Variants in TMA16 observed in about 807,000 individuals in gnomAD.
TMA16 encodes translation machinery associated 16 homolog.
A neutral mutation model predicts 27.1 loss-of-function variants in TMA16; 26 were observed. The observed-to-expected ratio is 0.96, with a 90% CI of 0.70 to 1.33. The LOEUF (loss-of-function observed/expected upper bound fraction) is 1.33. TMA16 is among the 40% of genes most tolerant of loss of function. TMA16 has a pLI of 0.00. For synonymous variants in TMA16, 71 were observed against 81.9 expected, an observed-to-expected ratio of 0.87 and a Z score of 0.72; for missense variants, 233 against 241.4, an observed-to-expected ratio of 0.97 and a Z score of 0.23.
intron 2 of TMA16, 104 bp downstream of exon 2, chr4:163,507,249 A>G: frequency 9.7e-7 from 1 of 1,034,550 alleles, no homozygotes; most frequent in African/African-American, 1.6e-5. Context: ...CCTTTCATAA[A>G]TATTTATTAA....
rs773555925 is a variant in TMA16, at chr4:163,514,205, T to C, written c.239+47T>C. The C allele has an allele frequency of 2.9e-5, 43 of 1,461,432 alleles. No homozygotes were observed. The Admixed American group carries it at 4.8e-4, about 16-fold the overall frequency. The allele number at this position is 1,461,432 out of a possible 1,614,324, so 90.5% of individuals were successfully genotyped here. Reference sequence around the variant, plus strand: ...AGCAAAGGGTCAGAAAAGGGAATTGTCCAGCCTGGTTCTTTAAGACACAGA... The same window carrying C: ...AGCAAAGGGTCAGAAAAGGGAATTGCCCAGCCTGGTTCTTTAAGACACAGA... On this transcript the variant is annotated intron_variant, in intron 4 of 6. Coordinates refer to ENST00000358572, the MANE Select transcript of TMA16 (RefSeq NM_018352.3).
rs575525176 is a variant in TMA16, at chr4:163,514,101, A to G, written c.182A>G (p.His61Arg). 1 of 1,610,490 alleles carries G rather than the reference A, an allele frequency of 6.2e-7. No homozygotes were observed. Among genetic ancestry groups the G allele is most frequent in the Non-Finnish European group, 8.5e-7 (1 of 1,178,562 alleles). Residue 61 changes from histidine (H) to arginine (R), a missense_variant, in exon 4 of 7, where the codon CAT becomes CGT. By Grantham distance (29) the His-to-Arg change is conservative. Coordinates refer to ENST00000358572, the MANE Select transcript of TMA16 (RefSeq NM_018352.3). Reference sequence around the variant, plus strand: ...GAAAAACTGCAATGGTTTCAAAATCATCTTGATCCCCAAAAAAAGAGATAT... The same window carrying G: ...GAAAAACTGCAATGGTTTCAAAATCGTCTTGATCCCCAAAAAAAGAGATAT... ...VGEKLQWFQN[H>R]LDPQKKRYSK...
In TMA16 at chr4:163,499,155, G is replaced by A. The variant is rs118102549; in HGVS notation, c.3+4351G>A. 8.9e-3 allele frequency among the ~76,000 whole-genome samples: 1,351 copies of A among 152,080 alleles called. 22 individuals carry two copies. The highest frequency in any genetic ancestry group is 0.067 in the East Asian group (346 of 5,170). On this transcript the variant is annotated intron_variant, in intron 1 of 6. Transcript: ENST00000358572. Reference sequence around the variant, plus strand: ...TTTTTCCAGCTTTTAAATAACACTTGTTTTTAGTCTTCCTGTGATTTGTAT... The same window carrying A: ...TTTTTCCAGCTTTTAAATAACACTTATTTTTAGTCTTCCTGTGATTTGTAT...
At chr4:163,497,223 A>C (rs1737566622) in intron 1 of TMA16, among the ~76,000 whole-genome samples, 1 of 152,238 alleles carries the variant, frequency 6.6e-6, no homozygotes, top group South Asian at 2.1e-4. Context: ...AAATCAGCTT[A>C]ATACATCTCA....
intron 2 of TMA16, among the ~76,000 whole-genome samples, chr4:163,508,990 C>A (rs1737754276): frequency 6.6e-6 from 1 of 152,148 alleles, no homozygotes; most frequent in African/African-American, 2.4e-5. Context: ...CTTAATTTTT[C>A]TGCTTAGACA....
intron 1 of TMA16, among the ~76,000 whole-genome samples, chr4:163,502,966 A>G (rs1451354754): frequency 1.3e-5 from 2 of 152,202 alleles, no homozygotes; most frequent in Non-Finnish European, 2.9e-5. Flanking sequence ...TAAGATTATA[A>G]TACTGTATTT....
chr4:163,506,939 T>A, intron 1 of TMA16, 94 bp from the exon 2 acceptor site: 1 of 971,144 alleles, frequency 1.0e-6, no homozygotes, highest in Non-Finnish European at 1.5e-6. Context: ...TCTGTCATAT[T>A]ACTGTTTTTA....
intron 2 of TMA16, among the ~76,000 whole-genome samples, chr4:163,509,765 T>C (rs1380556549): frequency 6.6e-6 from 1 of 152,170 alleles, no homozygotes; most frequent in Non-Finnish European, 1.5e-5. Context: ...TTCCCGACAA[T>C]GAACAATTTA....
At chr4:163,498,348 C>T (rs909616550) in intron 1 of TMA16, among the ~76,000 whole-genome samples, 9 of 144,364 alleles carry the variant, frequency 6.2e-5, no homozygotes, top group African/African-American at 1.3e-4. Context: ...AGTGCAGTGG[C>T]GTGATCTCGG....
intron 1 of TMA16, among the ~76,000 whole-genome samples, chr4:163,499,343 C>A (rs1255968387): frequency 6.6e-6 from 1 of 151,992 alleles, no homozygotes; most frequent in Non-Finnish European, 1.5e-5. Flanking sequence ...TTTAAATCTT[C>A]TGAATTTTAT....
intron 6 of TMA16, among the ~76,000 whole-genome samples, chr4:163,518,215 T>C (rs577800888): frequency 6.6e-6 from 1 of 152,320 alleles, no homozygotes; most frequent in Non-Finnish European, 1.5e-5. Flanking sequence ...CTCCTACTTA[T>C]AAGTGAGAAC....
At chr4:163,505,662 A>G (rs1285929101) in intron 1 of TMA16, among the ~76,000 whole-genome samples, 1 of 152,206 alleles carries the variant, frequency 6.6e-6, no homozygotes, top group Non-Finnish European at 1.5e-5. Flanking sequence ...ATAGAGGAGC[A>G]TGGGAAATAA....
At chr4:163,496,972 T>C (rs1737562712) in intron 1 of TMA16, among the ~76,000 whole-genome samples, 1 of 152,206 alleles carries the variant, frequency 6.6e-6, no homozygotes, top group African/African-American at 2.4e-5. Flanking sequence ...TATTTTTAAG[T>C]ATGGCTCATA....
chr4:163,514,020 C>G, intron 3 of TMA16, 54 bp from the exon 4 acceptor site: 2 of 1,323,110 alleles, frequency 1.5e-6, no homozygotes, highest in Non-Finnish European at 2.1e-6. Flanking sequence ...TGAATATTTA[C>G]TTGCTTAAAT....
chr4:163,520,119 CTTTT>C lies in TMA16; in HGVS notation c.*606_*609del, dbSNP rs1737949967. The C allele has an allele frequency of 2.1e-6, 1 of 477,782 alleles. No individual in the cohort carries two copies. The highest frequency in any genetic ancestry group is 2.1e-5 in the African/African-American group (1 of 48,720). 29.6% of individuals were successfully genotyped at this position (477,782 alleles called of 1,614,324 possible). ...TGTTGATCTCCCACAATTAATTTAT[CTTTT>C]GACAAAGGGGATAAAGAGTTTCAGT... On this transcript the variant is annotated 3_prime_UTR_variant, in exon 7 of 7. Coordinates refer to ENST00000358572, the MANE Select transcript of TMA16 (RefSeq NM_018352.3).
At chr4:163,512,758 T>C (rs138631807) in intron 2 of TMA16, 64 bp from the exon 3 acceptor site, 1 of 1,263,892 alleles carries the variant, frequency 7.9e-7, no homozygotes, top group East Asian at 2.4e-5. Flanking sequence ...TTCGTTGTTA[T>C]TGTCAGAGTT....
chr4:163,508,386 A>C (rs1233841263), intron 2 of TMA16, among the ~76,000 whole-genome samples: 1 of 152,214 alleles, frequency 6.6e-6, no homozygotes, highest in Non-Finnish European at 1.5e-5. Context: ...TTTAGGGACC[A>C]CACTATGAGA....
intron 1 of TMA16, among the ~76,000 whole-genome samples, chr4:163,502,088 C>T (rs576644066): frequency 6.6e-6 from 1 of 152,062 alleles, no homozygotes; most frequent in South Asian, 2.1e-4. Context: ...TATGAGGTTG[C>T]GGTGTAAAGA....
chr4:163,506,360 C>A (rs1737718305), intron 1 of TMA16, among the ~76,000 whole-genome samples: 1 of 151,898 alleles, frequency 6.6e-6, no homozygotes, highest in African/African-American at 2.4e-5. Flanking sequence ...TTACAGAGAG[C>A]CAAATATGAT....
Sources: allele counts gnomAD v4.1 joint callset (sites outside exome capture counted in the v4.1 genomes callset), GRCh38; gene constraint gnomAD v4.1.1; transcripts MANE v1.5; gene names NCBI Gene and HGNC (gene_info 2026-07-23, HGNC 2026-07-21).